Variants in ATRN observed in about 807,000 individuals in gnomAD.
ATRN encodes attractin, also known as attractin-2.
A neutral mutation model predicts 178.7 loss-of-function variants in ATRN; 54 were observed. That is an observed-to-expected ratio of 0.30 (90% CI 0.24 to 0.38). The LOEUF is 0.38. ATRN is among the 10% of genes least tolerant of loss of function. ATRN has a pLI of 1.00. For synonymous variants in ATRN, 636 were observed against 663.0 expected, an observed-to-expected ratio of 0.96 and a Z score of 0.63; for missense variants, 1,443 against 1,815.1, an observed-to-expected ratio of 0.79 and a Z score of 3.73.
Position 3,547,396 on chromosome 20 carries a change from AT to A in ATRN, c.852del (p.Pro285LeufsTer53), listed in dbSNP as rs1406406742. ...AAACTGGAAAGGTGAAGCATGTGAC[AT>A]TCCTCACTGTACAGACAACTGTGGT... The part of the protein sequence containing the change: ...SENWKGEACD[I>X]PHCTDNCGFP... On this transcript the variant is annotated frameshift_variant, in exon 5 of 29. Transcript: ENST00000262919. LOFTEE classifies it high-confidence loss of function. 1 of 1,613,910 alleles carries A rather than the reference AT, an allele frequency of 6.2e-7. No homozygotes were observed. Among genetic ancestry groups the A allele is most frequent in the Non-Finnish European group, 8.5e-7 (1 of 1,179,870 alleles).
intron 24 of ATRN, among the ~76,000 whole-genome samples, chr20:3,619,313 G>A (rs930168765): frequency 6.6e-6 from 1 of 152,224 alleles, no homozygotes; most frequent in African/African-American, 2.4e-5. Flanking sequence ...TTAGATGAGT[G>A]CTACATAAAG....
chr20:3,637,999 GT>G (rs2146324709), intron 26 of ATRN, among the ~76,000 whole-genome samples: 1 of 152,338 alleles, frequency 6.6e-6, no homozygotes, highest in South Asian at 2.1e-4. Context: ...GCCAGTTTCA[GT>G]AGGAAGAAAG....
At chr20:3,559,285 C>G (rs906071349) in intron 6 of ATRN, 108 bp from the exon 7 acceptor site, 54 of 833,008 alleles carry the variant, frequency 6.5e-5, no homozygotes, top group Middle Eastern at 3.2e-4. Context: ...CCCCTACATC[C>G]ATGGTGGATT....
intron 1 of ATRN, among the ~76,000 whole-genome samples, chr20:3,495,555 G>A (rs1030898963): frequency 3.9e-5 from 6 of 152,160 alleles, no homozygotes; most frequent in Admixed American, 3.3e-4. Context: ...ATACCAGCAG[G>A]TTAGCGATTT....
At chr20:3,522,872 A>T (rs1291191443) in intron 1 of ATRN, among the ~76,000 whole-genome samples, 3 of 152,168 alleles carry the variant, frequency 2.0e-5, no homozygotes, top group African/African-American at 7.2e-5. Flanking sequence ...GATCACCATC[A>T]ACAAAAAGGA....
intron 27 of ATRN, among the ~76,000 whole-genome samples, chr20:3,639,643 C>G (rs968030110): frequency 2.6e-5 from 4 of 152,114 alleles, no homozygotes; most frequent in Non-Finnish European, 5.9e-5. Context: ...TATCACCCCC[C>G]TCCCCAAAAT....
At chr20:3,505,787 T>C (rs368426798) in intron 1 of ATRN, among the ~76,000 whole-genome samples, 1 of 152,190 alleles carries the variant, frequency 6.6e-6, no homozygotes, top group Admixed American at 6.5e-5. Context: ...AATTATACCA[T>C]GCAAACATTG....
In ATRN at chr20:3,512,107, A is replaced by ATT. The variant is rs755934394; in HGVS notation, c.411-23135_411-23134dup. Reference sequence around the variant, plus strand: ...CTTTTATATATATATATATATATATATTTTTTTTTTTTATTATACTTTAAG... The same window carrying ATT: ...CTTTTATATATATATATATATATATATTTTTTTTTTTTTTATTATACTTTAAG... On this transcript the variant is annotated intron_variant, in intron 1 of 28. Transcript: ENST00000262919. Among the ~76,000 whole-genome samples, 1,061 of 106,336 alleles carry ATT rather than the reference A, an allele frequency of 1.0e-2. 19 individuals carry two copies. The highest frequency in any genetic ancestry group is 0.042 in the East Asian group (178 of 4,272). 69.8% of individuals were successfully genotyped at this position (106,336 alleles called of 152,430 possible).
intron 25 of ATRN, among the ~76,000 whole-genome samples, chr20:3,626,719 T>C (rs1191931710): frequency 6.6e-6 from 1 of 151,988 alleles, no homozygotes; most frequent in Non-Finnish European, 1.5e-5. Flanking sequence ...AAAGGTACCA[T>C]TTACCTGACT....
At chr20:3,635,248 A>C (rs1421406893) in intron 26 of ATRN, among the ~76,000 whole-genome samples, 39 of 151,862 alleles carry the variant, frequency 2.6e-4, no homozygotes, top group Admixed American at 2.5e-3. Flanking sequence ...AATACTATAC[A>C]TCGGGTACAG....
chr20:3,506,077 C>CACATAT (rs1257074329), intron 1 of ATRN, among the ~76,000 whole-genome samples: 5 of 152,080 alleles, frequency 3.3e-5, no homozygotes, highest in African/African-American at 1.2e-4. Flanking sequence ...CATACACATA[C>CACATAT]ACATACACAC....
At chr20:3,596,486 TG>T in intron 21 of ATRN, 57 bp downstream of exon 21, 1 of 1,504,510 alleles carries the variant, frequency 6.6e-7, no homozygotes, top group South Asian at 1.1e-5. Context: ...AAAACTTCAT[TG>T]TTTAAACGGG....
chr20:3,504,975 TAAACTC>T (rs1169081764), intron 1 of ATRN, among the ~76,000 whole-genome samples: 2 of 152,044 alleles, frequency 1.3e-5, no homozygotes, highest in East Asian at 1.9e-4. Context: ...TACAAAAAGA[TAAACTC>T]AAAAACAATA....
At chr20:3,514,102 G>T (rs898200164) in intron 1 of ATRN, among the ~76,000 whole-genome samples, 1 of 152,126 alleles carries the variant, frequency 6.6e-6, no homozygotes, top group African/African-American at 2.4e-5. Context: ...CTTCTGTGTC[G>T]CTCATGCTGG....
chr20:3,471,663 C>A, intron 1 of ATRN, 146 bp downstream of exon 1: 1 of 1,124,856 alleles, frequency 8.9e-7, no homozygotes, highest in Non-Finnish European at 1.2e-6. Flanking sequence ...CCATTTGCTT[C>A]CGGGGAGATC....
intron 6 of ATRN, among the ~76,000 whole-genome samples, chr20:3,550,395 GT>G (rs1555815161): frequency 6.6e-6 from 1 of 152,154 alleles, no homozygotes; most frequent in Non-Finnish European, 1.5e-5. Flanking sequence ...CAGGAGTATA[GT>G]TTGAAGTCGG....
intron 8 of ATRN, 94 bp downstream of exon 8, chr20:3,560,999 C>T: frequency 7.0e-7 from 1 of 1,434,510 alleles, no homozygotes. Context: ...TCAACCTAAT[C>T]TTGATTCGGT....
intron 18 of ATRN, among the ~76,000 whole-genome samples, chr20:3,589,200 A>C (rs541582662): frequency 6.6e-6 from 1 of 151,964 alleles, no homozygotes; most frequent in African/African-American, 2.4e-5. Flanking sequence ...GGGTTTTACC[A>C]TGTAGACCAG....
intron 6 of ATRN, among the ~76,000 whole-genome samples, chr20:3,557,235 T>G (rs931403353): frequency 6.6e-6 from 1 of 152,006 alleles, no homozygotes; most frequent in African/African-American, 2.4e-5. Flanking sequence ...ATAAAAAAAA[T>G]AGAGGTTGCG....
Sources: gnomAD v4.1 joint callset for allele counts (sites outside exome capture counted in the v4.1 genomes callset) on GRCh38, gnomAD v4.1.1 for gene constraint, MANE v1.5 for transcripts, NCBI Gene and HGNC (gene_info 2026-07-23, HGNC 2026-07-21) for gene names.